Variants in PRH1 observed in about 807,000 individuals in gnomAD.
PRH1 encodes the protein salivary acidic proline-rich phosphoprotein 1/2.
PRH1 carries 7 observed loss-of-function variants against 7.9 expected under a neutral mutation model. The observed-to-expected ratio is 0.89, with a 90% CI of 0.50 to 1.67. The LOEUF is 1.67. Ranked by LOEUF, PRH1 falls within the 40% of genes most tolerant of loss-of-function variation. The probability of loss-of-function intolerance (pLI) is 0.00; values close to 1 mark genes in which losing one functional copy is unlikely to be tolerated. For missense variants in PRH1, 109 were observed against 223.6 expected (o/e 0.49, Z 3.27); for synonymous variants, 45 against 80.8 (o/e 0.56, Z 2.38).
chr12:10,948,368 G>C (rs1950519098), intron 2 of PRH1, among the ~76,000 whole-genome samples: 1 of 152,058 alleles, frequency 6.6e-6, no homozygotes, highest in African/African-American at 2.4e-5. Flanking sequence ...TATTATTTCA[G>C]AAAACCAGTC....
chr12:11,152,299 A>G (rs1311022033), intron 1 of PRH1, among the ~76,000 whole-genome samples: 1 of 130,928 alleles, frequency 7.6e-6, no homozygotes, highest in Admixed American at 8.4e-5. Flanking sequence ...AATATAACCT[A>G]CAACTCTTTT....
intron 2 of PRH1, among the ~76,000 whole-genome samples, chr12:10,907,001 CT>C (rs1253490507): frequency 1.3e-5 from 2 of 152,234 alleles, no homozygotes; most frequent in Non-Finnish European, 2.9e-5. Context: ...ATCAGCCTCA[CT>C]AGCCATTAGG....
chr12:11,047,639 G>C (rs1329017377), upstream of PRH1, among the ~76,000 whole-genome samples: 1 of 152,006 alleles, frequency 6.6e-6, no homozygotes, highest in Admixed American at 6.6e-5. Flanking sequence ...TTATAGAAAT[G>C]ATTTTTTTCT....
intron 2 of PRH1, among the ~76,000 whole-genome samples, chr12:10,952,996 G>A (rs376349278): frequency 2.0e-5 from 3 of 151,970 alleles, no homozygotes; most frequent in African/African-American, 7.3e-5. Flanking sequence ...ACAAAGTCCG[G>A]TGTCCAAAAC....
intron 2 of PRH1, among the ~76,000 whole-genome samples, chr12:10,936,848 C>T (rs905382496): frequency 2.0e-5 from 3 of 152,084 alleles, no homozygotes; most frequent in South Asian, 4.1e-4. Context: ...GGCTTCAACA[C>T]ATGGATTTTG....
chr12:11,137,954 C>A (rs1946602337), intron 1 of PRH1, among the ~76,000 whole-genome samples: 1 of 148,960 alleles, frequency 6.7e-6, no homozygotes. Context: ...CAATATTATT[C>A]TTCTTCATGG....
At chr12:11,051,141 A>C (rs1447086514), upstream of PRH1, among the ~76,000 whole-genome samples, 2 of 152,276 alleles carry the variant, frequency 1.3e-5, no homozygotes, top group African/African-American at 2.4e-5. Context: ...TGTGGGAAAC[A>C]TGTCCACCCC....
rs1391234842 is a variant in PRH1 at position 11,026,432 on chromosome 12, T to TA, written c.-126+20587dup. Among the ~76,000 whole-genome samples, 3 of 150,322 alleles carry TA rather than the reference T, an allele frequency of 2.0e-5. 1 individual carries two copies. Among genetic ancestry groups the TA allele is most frequent in the Non-Finnish European group, 3.0e-5 (2 of 67,410 alleles). On this transcript the variant is annotated intron_variant, in intron 1 of 3. Coordinates refer to the PRH1 transcript ENST00000539853. ...TAGTTACTACCTCTTCCTGAAAGTA[T>TA]AATTGAAATAGATATGTATGGCAGC...
At chr12:11,105,239 T>C (rs1012319918) in intron 1 of PRH1, among the ~76,000 whole-genome samples, 1 of 152,084 alleles carries the variant, frequency 6.6e-6, no homozygotes, top group African/African-American at 2.4e-5. Flanking sequence ...AAGTTTAATG[T>C]AGGTGTCCAT....
intron 2 of PRH1, chr12:10,938,787 A>G: frequency 6.2e-7 from 1 of 1,613,468 alleles, no homozygotes; most frequent in Non-Finnish European, 8.5e-7. Context: ...TTTAAAAACA[A>G]GAAGACCGAA....
At chr12:11,053,445 G>A (rs1324265966) in intron 1 of PRH1, among the ~76,000 whole-genome samples, 1 of 152,154 alleles carries the variant, frequency 6.6e-6, no homozygotes, top group Non-Finnish European at 1.5e-5. Context: ...TCTTTTTATA[G>A]TGTTCCTTGG....
Position 11,106,026 on chromosome 12 carries a change from C to T in PRH1, n.124-58838G>A, listed in dbSNP as rs1285315438. On this transcript the variant is annotated intron_variant and non_coding_transcript_variant, in intron 1 of 4. Transcript: ENST00000541977. ...TGCTATCCCGGCTCACTGCAAGCTC[C>T]GCCTCTTGGGTTCATGCCATTCTCC... is the stretch of plus-strand genomic sequence containing the variant. Among the ~76,000 whole-genome samples, 6 of 100,846 alleles carry T rather than the reference C, an allele frequency of 5.9e-5. 2 individuals carry two copies. Among genetic ancestry groups the T allele is most frequent in the Non-Finnish European group, 1.4e-4 (6 of 43,184 alleles). 66.2% of individuals were successfully genotyped at this position (100,846 alleles called of 152,430 possible).
intron 1 of PRH1, among the ~76,000 whole-genome samples, chr12:10,987,948 G>A (rs947433177): frequency 6.6e-6 from 1 of 152,050 alleles, no homozygotes; most frequent in African/African-American, 2.4e-5. Context: ...CAGAAAATTG[G>A]TAGATTTCAC....
intron 1 of PRH1, among the ~76,000 whole-genome samples, chr12:11,009,802 G>A (rs942076077): frequency 2.0e-5 from 3 of 151,808 alleles, no homozygotes; most frequent in East Asian, 1.9e-4. Context: ...ATCTCAAAAT[G>A]CAATTCCAAT....
chr12:10,908,728 A>G, intron 2 of PRH1: 1 of 1,613,834 alleles, frequency 6.2e-7, no homozygotes, highest in Non-Finnish European at 8.5e-7. Flanking sequence ...GCCACAGTAA[A>G]TGGTGTTAGA....
chr12:10,916,770 G>A (rs180753547), intron 2 of PRH1, among the ~76,000 whole-genome samples: 21 of 152,088 alleles, frequency 1.4e-4, no homozygotes, highest in East Asian at 1.4e-3. Context: ...TATTTGAGCC[G>A]GGCACAGTGG....
intron 1 of PRH1, among the ~76,000 whole-genome samples, chr12:10,983,050 C>G (rs1939433705): frequency 6.6e-6 from 1 of 152,136 alleles, no homozygotes; most frequent in Admixed American, 6.5e-5. Flanking sequence ...TAGAGTCTGG[C>G]CCAAGTTGCT....
chr12:11,016,677 G>T (rs1377722475), intron 1 of PRH1, among the ~76,000 whole-genome samples: 1 of 152,218 alleles, frequency 6.6e-6, no homozygotes, highest in African/African-American at 2.4e-5. Flanking sequence ...GCTACCTAGA[G>T]TTTTGACTCA....
At chr12:10,963,130 ATAAC>A (rs112436506) in intron 2 of PRH1, among the ~76,000 whole-genome samples, 36,868 of 151,992 alleles carry the variant, frequency 0.24, 4,493 homozygotes, top group Non-Finnish European at 0.25. Context: ...AAACAAACAA[ATAAC>A]TAAATCAAAT....
Sources: allele counts gnomAD v4.1 joint callset (sites outside exome capture counted in the v4.1 genomes callset), GRCh38; gene constraint gnomAD v4.1.1; transcripts MANE v1.5; gene names NCBI Gene and HGNC (gene_info 2026-07-23, HGNC 2026-07-21).